The following G2E3 variants were observed in gnomAD, a reference collection of about 807,000 sequenced individuals.
G2E3 encodes the protein G2/M phase-specific E3 ubiquitin-protein ligase.
In G2E3, 35 loss-of-function variants were observed where a neutral mutation model predicts 92.8. The observed-to-expected ratio is 0.38, with a 90% confidence interval of 0.29 to 0.50. G2E3 has a LOEUF of 0.50. Among genes scored for constraint, G2E3 ranks in the 20% least tolerant of loss-of-function variants. G2E3 has a pLI of 0.94. For missense variants in G2E3, 554 were observed against 823.8 expected (o/e 0.67, Z 4.01); for synonymous variants, 242 against 272.4 (o/e 0.89, Z 1.10).
intron 2 of G2E3, among the ~76,000 whole-genome samples, chr14:30,582,553 A>G (rs1341558640): frequency 6.6e-6 from 1 of 152,200 alleles, no homozygotes; most frequent in Non-Finnish European, 1.5e-5. Context: ...CAGCCAGTTC[A>G]CAAGGACTCC....
In G2E3 at chr14:30,560,802, C is replaced by T. The variant is rs995272609; in HGVS notation, c.-5+1530C>T. On this transcript the variant is annotated intron_variant, in intron 1 of 14. Coordinates refer to ENST00000206595, the MANE Select transcript of G2E3 (RefSeq NM_017769.5). ...GATCTCAGATTCTGAATCAGTAGGT[C>T]TGGAGGATGGCATTGAACAGTCTGC... 5.7e-6 allele frequency: 4 copies of T among 701,954 alleles called. No individual in the cohort carries two copies. The African/African-American group carries it at 7.0e-5, about 12-fold the overall frequency. 43.5% of individuals were successfully genotyped at this position (701,954 alleles called of 1,614,324 possible). A position where few individuals can be genotyped will look rare whatever the true frequency, so the allele number is the denominator to read the frequency against.
rs543148807 is a variant in G2E3, at chr14:30,567,471, T to C, written c.-5+8199T>C. Among the ~76,000 whole-genome samples, 3 of 152,202 alleles carry C rather than the reference T, an allele frequency of 2.0e-5. No individual in the cohort carries two copies. The East Asian group carries it at 5.8e-4, about 29-fold the overall frequency. On this transcript the variant is annotated intron_variant, in intron 1 of 14. Transcript: ENST00000206595. ...TCATAATAGTCTCATTTAATTCTTT[T>C]TATTTGTATTAGGTCTGTAGCAGTG...
At position 30,563,695 on chromosome 14, in the gene G2E3, TTGTGTGTGTGTGTGTGTGTGTGTG is replaced by T. The variant is rs56029424; in HGVS notation, c.-5+4444_-5+4467del. Among the ~76,000 whole-genome samples the T allele has an allele frequency of 1.2e-4, 17 of 141,184 alleles. No individual in the cohort carries two copies. The East Asian group carries it at 1.4e-3, about 12-fold the overall frequency. The allele number at this position is 141,184 out of a possible 152,430, so 92.6% of individuals were successfully genotyped here. ...ATGTAAACTTGTAACTTTGTTACTT[TTGTGTGTGTGTGTGTGTGTGTGTG>T]TGTGTGTGTGTGTGTGTGTGATATA... is the stretch of plus-strand genomic sequence containing the variant. On this transcript the variant is annotated intron_variant, in intron 1 of 14. Coordinates refer to ENST00000206595, the MANE Select transcript of G2E3 (RefSeq NM_017769.5).
chr14:30,571,856 G>C (rs1879782949), intron 1 of G2E3, among the ~76,000 whole-genome samples: 1 of 151,488 alleles, frequency 6.6e-6, no homozygotes, highest in South Asian at 2.1e-4. Flanking sequence ...CACATAGTTG[G>C]AGACCACTTT....
chr14:30,571,176 CT>C (rs11451039), intron 1 of G2E3, among the ~76,000 whole-genome samples: 153 of 137,720 alleles, frequency 1.1e-3, no homozygotes, highest in Middle Eastern at 3.8e-3. Flanking sequence ...AGTGGGTTTG[CT>C]TTTTTTTTTT....
chr14:30,587,203 A>G (rs1379643376), intron 3 of G2E3, among the ~76,000 whole-genome samples: 1 of 152,164 alleles, frequency 6.6e-6, no homozygotes, highest in Non-Finnish European at 1.5e-5. Context: ...AAAGTATTTT[A>G]TTTCACACAG....
Position 30,615,548 on chromosome 14 carries a change from A to C in G2E3, c.1864+9A>C, listed in dbSNP as rs758028320. On this transcript the variant is annotated intron_variant, in intron 14 of 14. Coordinates refer to ENST00000206595, the MANE Select transcript of G2E3 (RefSeq NM_017769.5). ...CTTACAGGCTGTTGAAGGTATGTGGATATTTTATTTTACTTTTAACGATCT... is the reference window on the plus strand; with the variant it reads ...CTTACAGGCTGTTGAAGGTATGTGGCTATTTTATTTTACTTTTAACGATCT... The C allele has an allele frequency of 5.7e-5, 86 of 1,500,982 alleles. No homozygotes were observed. The highest frequency in any genetic ancestry group is 7.6e-5 in the Non-Finnish European group (84 of 1,112,042). The allele number at this position is 1,500,982 out of a possible 1,614,324, so 93.0% of individuals were successfully genotyped here.
chr14:30,605,488 A>T lies in G2E3; in HGVS notation c.1011-17A>T. 1 of 1,050,248 alleles carries T rather than the reference A, an allele frequency of 9.5e-7. No homozygotes were observed. Among genetic ancestry groups the T allele is most frequent in the Non-Finnish European group, 1.4e-6 (1 of 714,928 alleles). 65.1% of individuals were successfully genotyped at this position (1,050,248 alleles called of 1,614,324 possible). A position where few individuals can be genotyped will look rare whatever the true frequency, so the allele number is the denominator to read the frequency against. On this transcript the variant is annotated splice_polypyrimidine_tract_variant and intron_variant, in intron 10 of 14. Coordinates refer to ENST00000206595, the MANE Select transcript of G2E3 (RefSeq NM_017769.5). ...CTTTAAAGTACTTATCTCTATATTT[A>T]AATTCATGTTTTATAGGCAAGGCAG...
intron 1 of G2E3, chr14:30,580,781 G>T: frequency 3.5e-6 from 1 of 289,680 alleles, no homozygotes; most frequent in Non-Finnish European, 6.4e-6. Context: ...TGTTGTGTAG[G>T]ACTGTTTGGA....
At chr14:30,580,734 A>G (rs1236532889) in intron 1 of G2E3, 3 of 179,844 alleles carry the variant, frequency 1.7e-5, no homozygotes, top group Non-Finnish European at 3.4e-5. Flanking sequence ...ACCTACTTGA[A>G]TGTCCAGATG....
intron 10 of G2E3, chr14:30,602,972 C>T (rs1279216177): frequency 1.3e-5 from 2 of 152,124 alleles, no homozygotes; most frequent in South Asian, 2.1e-4. Flanking sequence ...GTCTAAATGT[C>T]AGCTCTTCCC....
intron 1 of G2E3, among the ~76,000 whole-genome samples, chr14:30,580,062 A>T (rs1880342304): frequency 1.3e-5 from 2 of 152,182 alleles, no homozygotes; most frequent in Non-Finnish European, 2.9e-5. Flanking sequence ...GGGACAGACC[A>T]ATGTCTTTCA....
chr14:30,617,940 T>TATGATAGGTAAATC lies in G2E3; in HGVS notation c.*1409_*1410insATAGGTAAATCATG, dbSNP rs1285793546. On this transcript the variant is annotated 3_prime_UTR_variant, in exon 15 of 15. Coordinates refer to ENST00000206595, the MANE Select transcript of G2E3 (RefSeq NM_017769.5). ...TCAGTTTTCCATGAAAGTAAATCAT[T>TATGATAGGTAAATC]ATGGGAAGTAAAATGTTTTAACCAT... 1.3e-5 allele frequency: 2 copies of TATGATAGGTAAATC among 152,032 alleles called. No homozygotes were observed. Among genetic ancestry groups the TATGATAGGTAAATC allele is most frequent in the African/African-American group, 4.8e-5 (2 of 41,404 alleles). The allele number at this position is 152,032 out of a possible 1,614,324, so 9.4% of individuals were successfully genotyped here.
At chr14:30,560,665 CTGAATTATTTTCAT>C in intron 1 of G2E3, 1 of 609,136 alleles carries the variant, frequency 1.6e-6, no homozygotes, top group Non-Finnish European at 2.9e-6. Context: ...TTTTTTCTAC[CTGAATTATTTTCAT>C]TGGATTTTTG....
chr14:30,598,432 T>G, intron 7 of G2E3, 51 bp from the exon 8 acceptor site: 1 of 1,135,700 alleles, frequency 8.8e-7, no homozygotes. Context: ...CCTGATCCTC[T>G]TATGTAACAT....
Position 30,618,953 on chromosome 14 carries a change from A to C in G2E3, c.*2419A>C, listed in dbSNP as rs1321943524. 1 of 152,080 alleles carries C rather than the reference A, an allele frequency of 6.6e-6. No homozygotes were observed. The highest frequency in any genetic ancestry group is 1.5e-5 in the Non-Finnish European group (1 of 67,926). 9.4% of individuals were successfully genotyped at this position (152,080 alleles called of 1,614,324 possible). ...CAATTGCCTAAATGTTGTATATTTT[A>C]AGGCTGTTTTCTCTTGCTCTTAATG... is the stretch of plus-strand genomic sequence containing the variant. On this transcript the variant is annotated 3_prime_UTR_variant, in exon 15 of 15. Transcript: ENST00000206595.
rs769117069 is a variant in G2E3, at chr14:30,598,452, G to A, written c.636-31G>A. 4.6e-6 allele frequency: 6 copies of A among 1,307,312 alleles called. No individual in the cohort carries two copies. The African/African-American group carries it at 5.8e-5, about 13-fold the overall frequency. The allele number at this position is 1,307,312 out of a possible 1,614,324, so 81.0% of individuals were successfully genotyped here. A position where few individuals can be genotyped will look rare whatever the true frequency, so the allele number is the denominator to read the frequency against. On this transcript the variant is annotated intron_variant, in intron 7 of 14. Transcript: ENST00000206595. ...TCCTCTTATGTAACATTATTTATAG[G>A]TCAAAGCATATTTTATATCTTCTTT...
intron 13 of G2E3, among the ~76,000 whole-genome samples, chr14:30,614,853 ATTC>A (rs1354774621): frequency 2.0e-5 from 3 of 152,178 alleles, no homozygotes; most frequent in Non-Finnish European, 4.4e-5. Flanking sequence ...AAGAATTTGT[ATTC>A]TTTGCATAAA....
At chr14:30,574,630 GAGTT>G in intron 1 of G2E3, 1 of 152,180 alleles carries the variant, frequency 6.6e-6, no homozygotes, top group Non-Finnish European at 1.5e-5. Context: ...TTGTGTTCAT[GAGTT>G]CTTATCATTT....
Sources: gnomAD v4.1 joint callset for allele counts (sites outside exome capture counted in the v4.1 genomes callset) on GRCh38, gnomAD v4.1.1 for gene constraint, MANE v1.5 for transcripts, NCBI Gene and HGNC (gene_info 2026-07-23, HGNC 2026-07-21) for gene names.